The following ANK3 variants were observed in gnomAD, a reference collection of about 807,000 sequenced individuals.
ANK3 encodes ankyrin-3.
In ANK3, 57 loss-of-function variants were observed where a neutral mutation model predicts 370.9. That is an observed-to-expected ratio of 0.15 (90% CI 0.12 to 0.19). The LOEUF (loss-of-function observed/expected upper bound fraction) is 0.19, where lower values mean the gene tolerates loss of function less well. Among genes scored for constraint, ANK3 ranks in the 10% least tolerant of loss-of-function variants. The probability of loss-of-function intolerance (pLI) is 1.00; values close to 1 mark genes in which losing one functional copy is unlikely to be tolerated. For missense variants in ANK3, 4,439 were observed against 5,302.1 expected (o/e 0.84, Z 5.06); for synonymous variants, 1,929 against 1,946.3 (o/e 0.99, Z 0.23).
At chr10:60,696,716 A>C (rs2079458834) in intron 1 of ANK3, among the ~76,000 whole-genome samples, 1 of 149,328 alleles carries the variant, frequency 6.7e-6, no homozygotes, top group Non-Finnish European at 1.5e-5. Flanking sequence ...TTCATGCTAA[A>C]AACTCTCAAT....
intron 42 of ANK3, chr10:60,043,159 T>G (rs1352739089): frequency 1.0e-6 from 1 of 990,538 alleles, no homozygotes; most frequent in Admixed American, 6.1e-5. Flanking sequence ...GCTGTTGATC[T>G]GAGGGACTTT....
At chr10:60,608,681 G>A (rs1005826304) in intron 2 of ANK3, among the ~76,000 whole-genome samples, 5 of 152,076 alleles carry the variant, frequency 3.3e-5, no homozygotes, top group South Asian at 4.1e-4. Flanking sequence ...TATATTTTAC[G>A]TCTAGGAATA....
At chr10:60,236,835 C>T (rs1389373934) in intron 7 of ANK3, among the ~76,000 whole-genome samples, 3 of 152,230 alleles carry the variant, frequency 2.0e-5, no homozygotes, top group East Asian at 3.8e-4. Flanking sequence ...CCGCAAAGGG[C>T]CACATGGCAA....
intron 1 of ANK3, among the ~76,000 whole-genome samples, chr10:60,340,904 T>C (rs756847294): frequency 6.6e-6 from 1 of 152,172 alleles, no homozygotes; most frequent in Non-Finnish European, 1.5e-5. Context: ...CGTAACCATT[T>C]TACTGATAAG....
intron 25 of ANK3, among the ~76,000 whole-genome samples, chr10:60,131,425 T>A (rs1213876967): frequency 1.3e-5 from 2 of 152,184 alleles, no homozygotes; most frequent in African/African-American, 4.8e-5. Context: ...CAACTTAAAG[T>A]TTATTTTGAA....
intron 2 of ANK3, among the ~76,000 whole-genome samples, chr10:60,456,742 C>T (rs2064758470): frequency 1.3e-5 from 2 of 152,144 alleles, no homozygotes; most frequent in Non-Finnish European, 2.9e-5. Flanking sequence ...TGGTCCTGTA[C>T]CCAAGTTCCT....
At chr10:60,424,767 T>C (rs547060102) in intron 2 of ANK3, among the ~76,000 whole-genome samples, 1 of 152,186 alleles carries the variant, frequency 6.6e-6, no homozygotes, top group South Asian at 2.1e-4. Flanking sequence ...AATATCCCTC[T>C]TATAGGTTGA....
chr10:60,141,282 C>T (rs1265679871), intron 23 of ANK3, among the ~76,000 whole-genome samples: 2 of 152,100 alleles, frequency 1.3e-5, no homozygotes, highest in South Asian at 2.1e-4. Flanking sequence ...GTTCTTTCAA[C>T]TATTTAATAT....
intron 2 of ANK3, among the ~76,000 whole-genome samples, chr10:60,454,863 A>G (rs958754419): frequency 1.3e-5 from 2 of 152,188 alleles, no homozygotes; most frequent in Non-Finnish European, 2.9e-5. Context: ...TAGCACTGCA[A>G]CTAAGTTCTC....
chr10:60,208,353 T>A, intron 9 of ANK3, 120 bp from the exon 10 acceptor site: 1 of 861,956 alleles, frequency 1.2e-6, no homozygotes. Flanking sequence ...ATACCTTCTA[T>A]TTGTAAAAGC....
At chr10:60,252,149 A>C (rs2097677088) in intron 7 of ANK3, among the ~76,000 whole-genome samples, 2 of 152,194 alleles carry the variant, frequency 1.3e-5, no homozygotes, top group Non-Finnish European at 2.9e-5. Context: ...GCAATCCTTC[A>C]GTTCTATGAA....
rs116716098 is a variant in ANK3, at chr10:60,470,861, A to G, written c.96+144325T>C. ...GTTTACAGAGAGAACAAAACTTGAAATAAGTGCAGTTAATAAAATTAAAAG... is the reference window on the plus strand; with the variant it reads ...GTTTACAGAGAGAACAAAACTTGAAGTAAGTGCAGTTAATAAAATTAAAAG... On this transcript the variant is annotated intron_variant, in intron 2 of 43. Transcript: ENST00000373827. Among the ~76,000 whole-genome samples, 794 of 152,306 alleles carry G rather than the reference A, an allele frequency of 5.2e-3. 4 individuals carry two copies. The highest frequency in any genetic ancestry group is 0.015 in the African/African-American group (606 of 41,580).
chr10:60,212,232 G>T (rs978447627), intron 9 of ANK3, among the ~76,000 whole-genome samples: 1 of 152,134 alleles, frequency 6.6e-6, no homozygotes, highest in African/African-American at 2.4e-5. Context: ...CAATTTGAAA[G>T]AGAACAATGG....
Position 60,075,052 on chromosome 10 carries a change from T to C in ANK3, c.5829A>G (p.Glu1943=). ...LPKEGRIDDE[E]PFKIVEKVKE... The stretch of plus-strand genomic sequence containing the variant: ...TTACTTTCTCTACAATTTTGAAAGG[T>C]TCTTCATCATCTATTCTCCCTTCCT... The change falls in exon 37 of 44, where the codon GAA becomes GAG. Residue 1943 remains glutamate (E), a synonymous_variant. Coordinates refer to ENST00000280772, the MANE Select transcript of ANK3 (RefSeq NM_020987.5). The C allele has an allele frequency of 6.2e-7, 1 of 1,613,990 alleles. No individual in the cohort carries two copies. Among genetic ancestry groups the C allele is most frequent in the Non-Finnish European group, 8.5e-7 (1 of 1,179,988 alleles).
At chr10:60,144,714 C>A (rs1280707674) in intron 23 of ANK3, among the ~76,000 whole-genome samples, 1 of 152,100 alleles carries the variant, frequency 6.6e-6, no homozygotes, top group African/African-American at 2.4e-5. Flanking sequence ...GAAACAGGAA[C>A]AAAGGAGAGA....
At chr10:60,550,574 T>A (rs2133231608) in intron 2 of ANK3, among the ~76,000 whole-genome samples, 1 of 152,184 alleles carries the variant, frequency 6.6e-6, no homozygotes, top group East Asian at 1.9e-4. Flanking sequence ...ACAAGGTATA[T>A]TTCTTGTATT....
chr10:60,560,328 C>A (rs2077305503), intron 2 of ANK3, among the ~76,000 whole-genome samples: 1 of 152,052 alleles, frequency 6.6e-6, no homozygotes, highest in Non-Finnish European at 1.5e-5. Context: ...TAGCAAAATT[C>A]TATGAAAGAC....
At chr10:60,577,055 C>G (rs1040721066) in intron 2 of ANK3, among the ~76,000 whole-genome samples, 4 of 152,206 alleles carry the variant, frequency 2.6e-5, no homozygotes, top group African/African-American at 7.2e-5. Context: ...TAGGCTCCAT[C>G]AGGTGCATTT....
intron 2 of ANK3, among the ~76,000 whole-genome samples, chr10:60,540,862 G>GT (rs1028414445): frequency 2.6e-5 from 4 of 151,788 alleles, no homozygotes; most frequent in Admixed American, 6.6e-5. Flanking sequence ...AAAGGCTTCA[G>GT]TTTTTTTAAA....
Sources: allele counts gnomAD v4.1 joint callset (sites outside exome capture counted in the v4.1 genomes callset), GRCh38; gene constraint gnomAD v4.1.1; transcripts MANE v1.5; gene names NCBI Gene and HGNC (gene_info 2026-07-23, HGNC 2026-07-21).